Variants in GPC5 observed in about 807,000 individuals in gnomAD.
GPC5 encodes the protein glypican-5.
A neutral mutation model predicts 53.9 loss-of-function variants in GPC5; 47 were observed. The observed-to-expected ratio is 0.87, with a 90% confidence interval of 0.69 to 1.11. GPC5 has a LOEUF of 1.11. Ranked by LOEUF, GPC5 falls within the 50% of genes most tolerant of loss-of-function variation. The pLI, the probability that GPC5 is intolerant of heterozygous loss-of-function variation, is 0.00. For missense variants in GPC5, 748 were observed against 713.1 expected (o/e 1.05, Z -0.56); for synonymous variants, 286 against 263.3 (o/e 1.09, Z -0.84).
chr13:91,868,436 G>T (rs1039985399), intron 5 of GPC5, among the ~76,000 whole-genome samples: 1 of 152,198 alleles, frequency 6.6e-6, no homozygotes, highest in African/African-American at 2.4e-5. Context: ...GCTGGGCATG[G>T]TGCCTCATGC....
chr13:91,953,172 A>C (rs1470558191), intron 6 of GPC5, among the ~76,000 whole-genome samples: 3 of 152,192 alleles, frequency 2.0e-5, no homozygotes, highest in African/African-American at 7.2e-5. Context: ...CAGAGAAAGG[A>C]AACAAGCTAG....
At chr13:92,599,402 T>C (rs1310045304) in intron 7 of GPC5, among the ~76,000 whole-genome samples, 2 of 151,118 alleles carry the variant, frequency 1.3e-5, no homozygotes, top group Non-Finnish European at 3.0e-5. Flanking sequence ...GGGAGGGAAA[T>C]GGTGTTCTAA....
intron 5 of GPC5, among the ~76,000 whole-genome samples, chr13:91,761,057 G>C (rs931769737): frequency 1.3e-5 from 2 of 152,024 alleles, no homozygotes; most frequent in African/African-American, 4.8e-5. Context: ...TCTCTGAAAG[G>C]CATGTTAGTC....
intron 2 of GPC5, among the ~76,000 whole-genome samples, chr13:91,544,425 C>A (rs147931362): frequency 4.7e-4 from 71 of 152,196 alleles, no homozygotes; most frequent in African/African-American, 1.7e-3. Context: ...TGCTTTGCTG[C>A]GTGTCTGTGT....
chr13:92,270,814 C>G (rs2042834587), intron 7 of GPC5, among the ~76,000 whole-genome samples: 1 of 152,126 alleles, frequency 6.6e-6, no homozygotes, highest in African/African-American at 2.4e-5. Context: ...AAGCTAAACT[C>G]CTTTTTAAAA....
intron 2 of GPC5, among the ~76,000 whole-genome samples, chr13:91,478,450 G>A (rs1293870209): frequency 1.3e-5 from 2 of 151,324 alleles, no homozygotes; most frequent in South Asian, 2.1e-4. Context: ...GTTTATTAGA[G>A]CATTTTATAT....
At chr13:92,499,329 C>T (rs1013223917) in intron 7 of GPC5, among the ~76,000 whole-genome samples, 2 of 151,976 alleles carry the variant, frequency 1.3e-5, no homozygotes, top group East Asian at 3.9e-4. Context: ...TTGAGCAAAA[C>T]GGTTTGTACT....
In GPC5 at chr13:91,879,024, T is replaced by C. The variant is rs536819670; in HGVS notation, c.1281-28913T>C. The stretch of plus-strand genomic sequence containing the variant: ...TGTCTCTCTCTAATTCTTGCAACTA[T>C]GCACATACCCCCCTAATGTTTTTTA... On this transcript the variant is annotated intron_variant, in intron 5 of 7. Coordinates refer to ENST00000377067, the MANE Select transcript of GPC5 (RefSeq NM_004466.6). Among the ~76,000 whole-genome samples the C allele has an allele frequency of 1.9e-4, 29 of 152,324 alleles. 1 individual carries two copies. Among genetic ancestry groups the C allele is most frequent in the Admixed American group, 4.6e-4 (7 of 15,292 alleles).
chr13:92,437,806 G>A (rs1024182743), intron 7 of GPC5, among the ~76,000 whole-genome samples: 2 of 151,962 alleles, frequency 1.3e-5, no homozygotes, highest in African/African-American at 4.8e-5. Context: ...GTTATGAGAA[G>A]GAATTCCAAC....
intron 7 of GPC5, among the ~76,000 whole-genome samples, chr13:92,797,602 G>T (rs149360867): frequency 6.6e-6 from 1 of 151,776 alleles, no homozygotes; most frequent in African/African-American, 2.4e-5. Flanking sequence ...CTTTAAATAT[G>T]CTATTTATAC....
intron 2 of GPC5, among the ~76,000 whole-genome samples, chr13:91,473,872 T>C (rs943050610): frequency 2.0e-5 from 3 of 152,210 alleles, no homozygotes; most frequent in Non-Finnish European, 4.4e-5. Flanking sequence ...ATAGAGTCTG[T>C]ATAATTCTCA....
chr13:91,448,446 A>G (rs1479079072), intron 1 of GPC5, among the ~76,000 whole-genome samples: 1 of 152,236 alleles, frequency 6.6e-6, no homozygotes, highest in Non-Finnish European at 1.5e-5. Context: ...AAAATAAGCA[A>G]AAAACCCACA....
At chr13:92,653,087 A>G (rs1886008679) in intron 7 of GPC5, among the ~76,000 whole-genome samples, 1 of 152,152 alleles carries the variant, frequency 6.6e-6, no homozygotes, top group African/African-American at 2.4e-5. Flanking sequence ...GTGGAAAAAT[A>G]TGGGAGGGAA....
intron 7 of GPC5, among the ~76,000 whole-genome samples, chr13:92,659,586 TC>T (rs888321499): frequency 6.6e-6 from 1 of 152,180 alleles, no homozygotes; most frequent in African/African-American, 2.4e-5. Flanking sequence ...GTAACCATAT[TC>T]ATCCATTAAT....
chr13:92,747,586 T>C (rs1489266430), intron 7 of GPC5, among the ~76,000 whole-genome samples: 5 of 152,188 alleles, frequency 3.3e-5, no homozygotes, highest in African/African-American at 4.8e-5. Flanking sequence ...GTATTGATCA[T>C]ATATTAAAAT....
chr13:91,545,530 TA>T (rs1566492863), intron 2 of GPC5, among the ~76,000 whole-genome samples: 1 of 152,090 alleles, frequency 6.6e-6, no homozygotes, highest in South Asian at 2.1e-4. Context: ...ATTACTATTA[TA>T]AAAAATTATT....
chr13:92,666,711 T>C (rs1886578536), intron 7 of GPC5, among the ~76,000 whole-genome samples: 1 of 152,230 alleles, frequency 6.6e-6, no homozygotes, highest in Non-Finnish European at 1.5e-5. Flanking sequence ...GCTCAGCATT[T>C]ATAATTTATC....
chr13:91,779,021 T>C (rs979994015), intron 5 of GPC5, among the ~76,000 whole-genome samples: 4 of 152,204 alleles, frequency 2.6e-5, no homozygotes, highest in Non-Finnish European at 5.9e-5. Flanking sequence ...AAATACAGCA[T>C]AAAAGCTAAA....
At chr13:91,571,871 A>ACACACATACGTGTGTGTGTG (rs1231149317) in intron 2 of GPC5, among the ~76,000 whole-genome samples, 1 of 70,196 alleles carries the variant, frequency 1.4e-5, no homozygotes, top group Middle Eastern at 8.6e-3. Flanking sequence ...GTGTGTGTAT[A>ACACACATACGTGTGTGTGTG]TATACACACA....
Sources: gnomAD v4.1 joint callset for allele counts (sites outside exome capture counted in the v4.1 genomes callset) on GRCh38, gnomAD v4.1.1 for gene constraint, MANE v1.5 for transcripts, NCBI Gene and HGNC (gene_info 2026-07-23, HGNC 2026-07-21) for gene names.